The following VPS8 variants were observed in gnomAD, a reference collection of about 807,000 sequenced individuals.
VPS8 encodes vacuolar protein sorting-associated protein 8 homolog.
A neutral mutation model predicts 216.4 loss-of-function variants in VPS8; 129 were observed. The ratio of observed to expected loss-of-function variants is 0.60; its 90% CI spans 0.52 to 0.69. VPS8 has a LOEUF of 0.69. Ranked by LOEUF, VPS8 falls within the 30% of genes least tolerant of loss-of-function variation. VPS8 has a pLI of 0.00. For missense variants in VPS8, 1,531 were observed against 1,683.5 expected, an observed-to-expected ratio of 0.91 and a Z score of 1.59; for synonymous variants, 571 against 565.4, an observed-to-expected ratio of 1.01 and a Z score of -0.14.
rs1297515734 is a variant in VPS8 at position 185,051,948 on chromosome 3, G to T, written c.4210G>T (p.Ala1404Ser). 1 of 1,613,454 alleles carries T rather than the reference G, an allele frequency of 6.2e-7. No homozygotes were observed. The part of the protein sequence containing the change: ...SYRPFSGSQS[A>S]PAFNSIFQNE... Reference sequence around the variant, plus strand: ...TAGGCCATTCAGTGGCTCGCAGAGTGCTCCTGCTTTCAACAGCATCTTCCA... The same window carrying T: ...TAGGCCATTCAGTGGCTCGCAGAGTTCTCCTGCTTTCAACAGCATCTTCCA... Residue 1404 changes from alanine to serine, a missense_variant, in exon 48 of 48, where the codon GCT becomes TCT. Ala to Ser is a moderately conservative substitution (Grantham distance 99). Transcript: ENST00000625842.
intron 25 of VPS8, among the ~76,000 whole-genome samples, chr3:184,910,986 C>T (rs901310224): frequency 1.3e-5 from 2 of 152,118 alleles, no homozygotes; most frequent in African/African-American, 4.8e-5. Context: ...CTTAACTTCC[C>T]GTACCTAATA....
intron 45 of VPS8, among the ~76,000 whole-genome samples, chr3:185,019,283 G>T (rs992119583): frequency 6.6e-6 from 1 of 152,050 alleles, no homozygotes; most frequent in Non-Finnish European, 1.5e-5. Context: ...CCATGTTTGA[G>T]CACCACTTGC....
At position 184,834,510 on chromosome 3, in the gene VPS8, GA is replaced by G. The variant is rs577471414; in HGVS notation, c.354-130del. 498 of 632,758 alleles carry G rather than the reference GA, an allele frequency of 7.9e-4. 3 individuals are homozygous for G. In the African/African-American group the frequency reaches 7.9e-3, roughly 10 times the overall value. 39.2% of individuals were successfully genotyped at this position (632,758 alleles called of 1,614,324 possible). On this transcript the variant is annotated intron_variant, in intron 4 of 47. Coordinates refer to ENST00000625842, the MANE Select transcript of VPS8 (RefSeq NM_001009921.3). ...AACTTAAAGTATAATAATAATAAAA[GA>G]AAAAAAAACAGATCTAACAAATTAC...
chr3:184,901,198 A>G (rs368610689), intron 25 of VPS8: 68 of 477,304 alleles, frequency 1.4e-4, no homozygotes, highest in African/African-American at 1.1e-3. Flanking sequence ...TGCTCTGGGC[A>G]GTCACTGATC....
intron 36 of VPS8, among the ~76,000 whole-genome samples, chr3:184,949,738 G>A (rs1437438986): frequency 6.6e-6 from 1 of 152,010 alleles, no homozygotes; most frequent in East Asian, 1.9e-4. Flanking sequence ...AGGCAGATTG[G>A]AACATTCATT....
intron 1 of VPS8, among the ~76,000 whole-genome samples, chr3:184,823,813 C>G (rs898218349): frequency 6.6e-6 from 1 of 152,124 alleles, no homozygotes; most frequent in Non-Finnish European, 1.5e-5. Flanking sequence ...ACCAAATTAT[C>G]TGTGATTTTT....
chr3:184,897,465 C>G (rs1050083013), intron 23 of VPS8, among the ~76,000 whole-genome samples: 5 of 152,082 alleles, frequency 3.3e-5, no homozygotes, highest in African/African-American at 4.8e-5. Flanking sequence ...ATCAGGAGTT[C>G]TGGTTGGCCA....
At chr3:184,985,602 G>A (rs1274268137) in intron 42 of VPS8, among the ~76,000 whole-genome samples, 3 of 152,164 alleles carry the variant, frequency 2.0e-5, no homozygotes, top group African/African-American at 7.2e-5. Context: ...TGTAAGAGCA[G>A]AAGGAGCTGT....
At chr3:184,982,730 C>T (rs1577058420) in intron 41 of VPS8, 83 bp downstream of exon 41, 2 of 1,153,196 alleles carry the variant, frequency 1.7e-6, no homozygotes, top group Non-Finnish European at 2.5e-6. Flanking sequence ...AGTATAATAT[C>T]TTTTTCCAAT....
At position 184,821,171 on chromosome 3, in the gene VPS8, A is replaced by G. The variant is rs114294935; in HGVS notation, c.-88-3374A>G. ...GTTCCTCACAGGAGCCCTGCAGAGT[A>G]GGTAGTTGCATTTATAAGAGCCAGG... On this transcript the variant is annotated intron_variant, in intron 1 of 47. Coordinates refer to ENST00000625842, the MANE Select transcript of VPS8 (RefSeq NM_001009921.3). 4.4e-3 allele frequency among the ~76,000 whole-genome samples: 674 copies of G among 152,326 alleles called. 7 individuals are homozygous for G. Among genetic ancestry groups the G allele is most frequent in the African/African-American group, 0.015 (632 of 41,572 alleles).
chr3:184,901,785 A>G (rs1480625303), intron 25 of VPS8, among the ~76,000 whole-genome samples: 1 of 151,868 alleles, frequency 6.6e-6, no homozygotes, highest in Admixed American at 6.6e-5. Flanking sequence ...AAATGTGTTC[A>G]TTTTCTTGGC....
At position 184,894,725 on chromosome 3, in the gene VPS8, T is replaced by C; in HGVS notation, c.1804T>C (p.Tyr602His). Reference sequence around the variant, plus strand: ...CAGGGATCTTTTATTTAGTCAGATGTATGATAAATTAAGTGAGAATTCAGT... The same window carrying C: ...CAGGGATCTTTTATTTAGTCAGATGCATGATAAATTAAGTGAGAATTCAGT... ...QRKDLLFSQM[Y>H]DKLSENSVAK... The change falls in exon 23 of 48, where the codon TAT (tyrosine) becomes CAT (histidine). Residue 602 changes from tyrosine to histidine, a missense_variant. This residue lies in a region of VPS8 where 1,318 missense variants were observed against 1,468.4 expected (regional missense o/e 0.90). Coordinates refer to ENST00000625842, the MANE Select transcript of VPS8 (RefSeq NM_001009921.3). 1.2e-6 allele frequency: 2 copies of C among 1,603,834 alleles called. No individual in the cohort carries two copies. Among genetic ancestry groups the C allele is most frequent in the East Asian group, 2.2e-5 (1 of 44,692 alleles).
intron 45 of VPS8, among the ~76,000 whole-genome samples, chr3:185,018,302 C>A (rs1322819628): frequency 6.6e-6 from 1 of 152,222 alleles, no homozygotes; most frequent in Non-Finnish European, 1.5e-5. Context: ...GCCATAAAAT[C>A]TGCATACGGT....
intron 46 of VPS8, among the ~76,000 whole-genome samples, chr3:185,035,944 A>G (rs566502768): frequency 1.2e-4 from 19 of 152,354 alleles, no homozygotes; most frequent in Admixed American, 9.1e-4. Flanking sequence ...AAAAATCAGT[A>G]GCATTTCTAT....
At chr3:184,860,102 C>G (rs1293340360) in intron 15 of VPS8, 37 bp downstream of exon 15, 3 of 1,472,696 alleles carry the variant, frequency 2.0e-6, no homozygotes, top group African/African-American at 2.8e-5. Context: ...CCATTTAGTT[C>G]ATGTAATTGT....
chr3:184,890,056 TAAA>T (rs979020345), intron 22 of VPS8, among the ~76,000 whole-genome samples: 1 of 152,196 alleles, frequency 6.6e-6, no homozygotes, highest in African/African-American at 2.4e-5. Context: ...ATAATAAGGT[TAAA>T]AATGGTCAGT....
intron 39 of VPS8, among the ~76,000 whole-genome samples, chr3:184,968,897 T>C (rs901590641): frequency 1.3e-5 from 2 of 152,212 alleles, no homozygotes; most frequent in Admixed American, 6.5e-5. Context: ...TATATTTTTG[T>C]ATTAAGGTCC....
chr3:184,908,026 G>C (rs1209850562), intron 25 of VPS8, among the ~76,000 whole-genome samples: 1 of 152,136 alleles, frequency 6.6e-6, no homozygotes, highest in Non-Finnish European at 1.5e-5. Context: ...CCGTTCTCCA[G>C]TTTTTCCTTT....
At chr3:184,871,647 C>T (rs1728369405) in intron 21 of VPS8, among the ~76,000 whole-genome samples, 1 of 152,042 alleles carries the variant, frequency 6.6e-6, no homozygotes, top group Admixed American at 6.6e-5. Flanking sequence ...GTGTGCGTCC[C>T]GTGGTCTGAT....
Sources: gnomAD v4.1 joint callset for allele counts (sites outside exome capture counted in the v4.1 genomes callset) on GRCh38, gnomAD v4.1.1 for gene constraint, gnomAD v4.1.1 regional missense constraint, MANE v1.5 for transcripts, NCBI Gene and HGNC (gene_info 2026-07-23, HGNC 2026-07-21) for gene names.